Variants in ST6GAL1 observed in about 807,000 individuals in gnomAD.
ST6GAL1 encodes ST6 beta-galactoside alpha-2,6-sialyltransferase 1.
Under a neutral mutation model 38.0 loss-of-function variants are expected in ST6GAL1, and 20 were observed. The ratio of observed to expected loss-of-function variants is 0.53; its 90% CI spans 0.37 to 0.77. ST6GAL1 has a LOEUF of 0.77. ST6GAL1 is among the 30% of genes least tolerant of loss of function. ST6GAL1 has a pLI of 0.00. For synonymous variants in ST6GAL1, 196 were observed against 188.2 expected (o/e 1.04, Z -0.34); for missense variants, 432 against 496.4 (o/e 0.87, Z 1.23).
At chr3:187,063,556 G>A (rs530386839) in intron 5 of ST6GAL1, among the ~76,000 whole-genome samples, 1 of 152,218 alleles carries the variant, frequency 6.6e-6, no homozygotes, top group Non-Finnish European at 1.5e-5. Flanking sequence ...TACATGGATG[G>A]TAGGATCTGG....
At chr3:187,019,518 C>T (rs935933603) in intron 2 of ST6GAL1, among the ~76,000 whole-genome samples, 6 of 152,188 alleles carry the variant, frequency 3.9e-5, no homozygotes, top group African/African-American at 1.4e-4. Flanking sequence ...TGCAATCCCT[C>T]TCTGGACAGT....
chr3:186,948,528 AGTGTG>A (rs1714459288), intron 1 of ST6GAL1, among the ~76,000 whole-genome samples: 1 of 146,238 alleles, frequency 6.8e-6, no homozygotes, highest in African/African-American at 2.5e-5. Flanking sequence ...CAGAAACTCT[AGTGTG>A]TGTGTGTGTG....
chr3:187,046,775 G>A (rs776048476), intron 4 of ST6GAL1, among the ~76,000 whole-genome samples: 13 of 152,132 alleles, frequency 8.5e-5, no homozygotes, highest in East Asian at 3.9e-4. Context: ...TTAAAAGGCC[G>A]GATAGTAAAT....
chr3:186,972,398 G>C (rs1190924188), intron 2 of ST6GAL1, among the ~76,000 whole-genome samples: 1 of 152,030 alleles, frequency 6.6e-6, no homozygotes, highest in African/African-American at 2.4e-5. Context: ...ACAGGCACGG[G>C]CCACCACACC....
At position 187,024,401 on chromosome 3, in the gene ST6GAL1, T is replaced by TTA. The variant is rs1329045612; in HGVS notation, c.-182-14328_-182-14327dup. Reference sequence around the variant, plus strand: ...AGCCACCGCGCCCAGCCTAAATGTTTTATATATATATATACACACACACAT... The same window carrying TTA: ...AGCCACCGCGCCCAGCCTAAATGTTTTATATATATATATATACACACACACAT... On this transcript the variant is annotated intron_variant, in intron 2 of 7. Transcript: ENST00000169298. Among the ~76,000 whole-genome samples the TTA allele has an allele frequency of 1.3e-3, 183 of 146,382 alleles. 1 individual carries two copies. The highest frequency in any genetic ancestry group is 3.7e-3 in the African/African-American group (145 of 39,646).
At chr3:186,931,071 G>C (rs1713727880) in intron 1 of ST6GAL1, 1 of 151,958 alleles carries the variant, frequency 6.6e-6, no homozygotes, top group South Asian at 2.1e-4. Flanking sequence ...CTGGCTCCGC[G>C]AGCCTGCGGA....
At chr3:186,942,477 G>A (rs1254879100) in intron 1 of ST6GAL1, 3 of 152,164 alleles carry the variant, frequency 2.0e-5, no homozygotes, top group African/African-American at 7.2e-5. Flanking sequence ...TCTGTTGGTT[G>A]ATGGAGTTTT....
chr3:187,006,347 G>A (rs1319274879), intron 2 of ST6GAL1: 1 of 152,168 alleles, frequency 6.6e-6, no homozygotes, highest in Non-Finnish European at 1.5e-5. Flanking sequence ...TGACTTCTCA[G>A]ATCTACACAG....
Position 187,075,288 on chromosome 3 carries a change from A to T in ST6GAL1, c.980-274A>T, listed in dbSNP as rs570676871. 6.6e-6 allele frequency among the ~76,000 whole-genome samples: 1 copy of T among 152,310 alleles called. No homozygotes were observed. Among genetic ancestry groups the T allele is most frequent in the East Asian group, 1.9e-4 (1 of 5,180 alleles). ...ATTGGCTGATTGATGGAGTCATTTA[A>T]TCTACTAGCATTTAGGGAGGATCTA... On this transcript the variant is annotated intron_variant, in intron 7 of 7. Coordinates refer to ENST00000169298, the MANE Select transcript of ST6GAL1 (RefSeq NM_173216.2). This position sits in a 1 kb window ranked among gnomAD's most constrained non-coding sequence, Gnocchi z 4.1.
chr3:187,074,055 G>T, intron 6 of ST6GAL1, 104 bp from the exon 7 acceptor site: 1 of 1,092,930 alleles, frequency 9.1e-7, no homozygotes, highest in Non-Finnish European at 1.3e-6. Context: ...AGCAACACTT[G>T]TTGATCCTTT....
At chr3:186,962,746 C>T (rs377016074) in intron 1 of ST6GAL1, among the ~76,000 whole-genome samples, 7 of 152,102 alleles carry the variant, frequency 4.6e-5, no homozygotes, top group African/African-American at 1.7e-4. Flanking sequence ...TTGCCATTAG[C>T]CAAAAACAAA....
intron 2 of ST6GAL1, among the ~76,000 whole-genome samples, chr3:186,994,897 C>T (rs565372068): frequency 2.0e-5 from 3 of 151,710 alleles, no homozygotes; most frequent in African/African-American, 4.8e-5. Context: ...GCCAAGATCA[C>T]GCCACTGCAC....
intron 5 of ST6GAL1, among the ~76,000 whole-genome samples, chr3:187,059,541 A>T (rs1276442450): frequency 2.0e-5 from 3 of 152,232 alleles, no homozygotes; most frequent in Non-Finnish European, 4.4e-5. Flanking sequence ...AGACTGTGGC[A>T]GTCAGTACAT....
chr3:186,969,066 T>C (rs1392204546), intron 2 of ST6GAL1, among the ~76,000 whole-genome samples: 3 of 149,798 alleles, frequency 2.0e-5, no homozygotes, highest in Non-Finnish European at 4.4e-5. Context: ...TTTTTTTTTT[T>C]TTTGAGACAG....
intron 2 of ST6GAL1, among the ~76,000 whole-genome samples, chr3:187,005,950 A>G (rs751906558): frequency 1.3e-5 from 2 of 152,068 alleles, no homozygotes; most frequent in Non-Finnish European, 2.9e-5. Flanking sequence ...CTTTGACAAG[A>G]TGGTGGGGGG....
At chr3:186,937,286 A>G (rs1358751564) in intron 1 of ST6GAL1, among the ~76,000 whole-genome samples, 1 of 152,110 alleles carries the variant, frequency 6.6e-6, no homozygotes, top group Non-Finnish European at 1.5e-5. Context: ...TGATCATTTC[A>G]GTGAGGGCCT....
chr3:186,998,482 ATCC>A (rs1716493620), intron 2 of ST6GAL1, among the ~76,000 whole-genome samples: 1 of 152,204 alleles, frequency 6.6e-6, no homozygotes, highest in Non-Finnish European at 1.5e-5. Flanking sequence ...AAAGGTCTTC[ATCC>A]TCATCATCTT....
chr3:187,036,664 T>C (rs935959239), intron 2 of ST6GAL1, among the ~76,000 whole-genome samples: 1 of 152,126 alleles, frequency 6.6e-6, no homozygotes, highest in Non-Finnish European at 1.5e-5. Context: ...GAAAACCAAA[T>C]GCCATATGTT....
rs1345812061 is a variant in ST6GAL1 at position 187,078,372 on chromosome 3, T to C, written c.*2569T>C. 2.0e-5 allele frequency: 3 copies of C among 152,202 alleles called. No homozygotes were observed. The highest frequency in any genetic ancestry group is 2.0e-4 in the Admixed American group (3 of 15,278). 9.4% of individuals were successfully genotyped at this position (152,202 alleles called of 1,614,324 possible). A position where few individuals can be genotyped will look rare whatever the true frequency, so the allele number is the denominator to read the frequency against. On this transcript the variant is annotated 3_prime_UTR_variant, in exon 8 of 8. Transcript: ENST00000169298. Reference sequence around the variant, plus strand: ...TGCTGCCTGTGTCTATGGGGTTCTGTCTTCTTTGATAGCCATCTATTCATC... The same window carrying C: ...TGCTGCCTGTGTCTATGGGGTTCTGCCTTCTTTGATAGCCATCTATTCATC...
Sources: allele counts gnomAD v4.1 joint callset (sites outside exome capture counted in the v4.1 genomes callset), GRCh38; gene constraint gnomAD v4.1.1; non-coding constraint Gnocchi (gnomAD v3.1); transcripts MANE v1.5; gene names NCBI Gene and HGNC (gene_info 2026-07-23, HGNC 2026-07-21).